Variants in KLHL12 observed in about 807,000 individuals in gnomAD.
The protein encoded by KLHL12 is kelch-like protein 12.
KLHL12 carries 17 observed loss-of-function variants against 60.8 expected under a neutral mutation model. The observed-to-expected ratio is 0.28, with a 90% confidence interval of 0.19 to 0.42. The LOEUF (loss-of-function observed/expected upper bound fraction) is 0.42, where lower values mean the gene tolerates loss of function less well. KLHL12 is among the 10% of genes least tolerant of loss of function. KLHL12 has a pLI of 1.00. For synonymous variants in KLHL12, 220 were observed against 250.9 expected (o/e 0.88, Z 1.16); for missense variants, 468 against 722.3 (o/e 0.65, Z 4.04).
intron 4 of KLHL12, chr1:202,912,446 T>C (rs1660392615): frequency 1.2e-6 from 1 of 847,808 alleles, no homozygotes. Context: ...TGGTTTCGGT[T>C]GGCATGACAG....
chr1:202,920,378 T>A lies in KLHL12; in HGVS notation c.196-470A>T, dbSNP rs1301172977. Among the ~76,000 whole-genome samples the A allele has an allele frequency of 2.3e-4, 30 of 130,404 alleles. No individual in the cohort carries two copies. The South Asian group carries it at 7.2e-3, about 31-fold the overall frequency. 85.6% of individuals were successfully genotyped at this position (130,404 alleles called of 152,430 possible). The stretch of plus-strand genomic sequence containing the variant: ...TGCTCTATTTTGTTGGATTTTTTTT[T>A]TTTTTTTTTTTTTTTTGAGACGGAA... On this transcript the variant is annotated intron_variant, in intron 2 of 11. Coordinates refer to ENST00000367261, the MANE Select transcript of KLHL12 (RefSeq NM_021633.4).
At position 202,925,206 on chromosome 1, in the gene KLHL12, A is replaced by G. The variant is rs112019147; in HGVS notation, c.-44T>C. ...AACAAAATGGGTCCTTGGATTCTGCAACTACAAGAGGGAAAAAAAAACAAT... is the reference window on the plus strand; with the variant it reads ...AACAAAATGGGTCCTTGGATTCTGCGACTACAAGAGGGAAAAAAAAACAAT... On this transcript the variant is annotated splice_region_variant and 5_prime_UTR_variant, in exon 2 of 12. Transcript: ENST00000367261. 3.1e-5 allele frequency: 50 copies of G among 1,611,102 alleles called. No individual in the cohort carries two copies. The African/African-American group carries it at 4.3e-4, about 14-fold the overall frequency.
At position 202,919,880 on chromosome 1, in the gene KLHL12, T is replaced by G; in HGVS notation, c.224A>C (p.Asp75Ala). 6.2e-7 allele frequency: 1 copy of G among 1,613,800 alleles called. No homozygotes were observed. ...GGTAGAGGCAGTCAAACCTTGGATG[T>G]CAACATAAGGTTTCCCCTTCTCTGA... ...ELSEKGKPYV[D>A]IQGLTASTME... Residue 75 changes from aspartate to alanine, a missense_variant, in exon 3 of 12, where the codon GAC (aspartate) becomes GCC (alanine). Coordinates refer to ENST00000367261, the MANE Select transcript of KLHL12 (RefSeq NM_021633.4).
intron 4 of KLHL12, chr1:202,912,426 G>A: frequency 1.2e-6 from 1 of 824,744 alleles, no homozygotes; most frequent in Non-Finnish European, 2.1e-6. Flanking sequence ...CTTTGGTTTG[G>A]TCGTGGAGGT....
intron 5 of KLHL12, among the ~76,000 whole-genome samples, chr1:202,910,715 G>C (rs940652408): frequency 2.0e-5 from 3 of 152,188 alleles, no homozygotes; most frequent in Admixed American, 6.5e-5. Flanking sequence ...GGCTTGCTAA[G>C]TGTGGCATAA....
chr1:202,925,100 A>T lies in KLHL12; in HGVS notation c.63T>A (p.Asn21Lys), dbSNP rs1474140267. The part of the protein sequence containing the change: ...MTNTHAKSIL[N>K]SMNSLRKSNT... ...TGCTCTTCCTGAGGGAGTTCATTGA[A>T]TTGAGGATGGATTTAGCATGAGTAT... Residue 21 changes from asparagine (N) to lysine (K), a missense_variant, in exon 2 of 12, where the codon AAT becomes AAA. By Grantham distance (94) the Asn-to-Lys change is moderately conservative. This residue lies in a region of KLHL12 where 61 missense variants were observed against 59.9 expected (regional missense o/e 1.02). Transcript: ENST00000367261. 6.2e-7 allele frequency: 1 copy of T among 1,614,136 alleles called. No homozygotes were observed. The highest frequency in any genetic ancestry group is 1.1e-5 in the South Asian group (1 of 91,084).
intron 6 of KLHL12, among the ~76,000 whole-genome samples, chr1:202,907,870 T>C (rs1293460578): frequency 6.6e-6 from 1 of 151,962 alleles, no homozygotes; most frequent in African/African-American, 2.4e-5. Flanking sequence ...ATCACGCCAC[T>C]GCACTCCACC....
intron 3 of KLHL12, among the ~76,000 whole-genome samples, chr1:202,918,677 T>G (rs1660596153): frequency 6.6e-6 from 1 of 152,224 alleles, no homozygotes; most frequent in Non-Finnish European, 1.5e-5. Context: ...AAAATGCCTA[T>G]AAAACTCTTG....
chr1:202,912,070 C>T, intron 4 of KLHL12: 2 of 792,252 alleles, frequency 2.5e-6, no homozygotes, highest in Non-Finnish European at 4.5e-6. Flanking sequence ...AGTTGGAGAA[C>T]CAAAGAGAGC....
In KLHL12 at chr1:202,900,601, C is replaced by T. The variant is rs149144776; in HGVS notation, c.833-3641G>A. On this transcript the variant is annotated intron_variant, in intron 6 of 11. Transcript: ENST00000367261. The stretch of plus-strand genomic sequence containing the variant: ...AAAGAAGGCTGGGCGTGGTGGCTCA[C>T]GCCTGTAATCACAGCACTTTGGGAG... 4.2e-3 allele frequency among the ~76,000 whole-genome samples: 636 copies of T among 151,808 alleles called. 5 individuals are homozygous for T. The highest frequency in any genetic ancestry group is 7.7e-3 in the Non-Finnish European group (521 of 67,902).
intron 2 of KLHL12, among the ~76,000 whole-genome samples, chr1:202,920,256 G>A (rs1660645635): frequency 6.6e-6 from 1 of 151,304 alleles, no homozygotes. Context: ...GAAGGTTGCA[G>A]AGAGCCAAGA....
rs780385504 is a variant in KLHL12 at position 202,908,994 on chromosome 1, C to T, written c.832+16G>A. The T allele has an allele frequency of 1.1e-5, 17 of 1,526,786 alleles. No individual in the cohort carries two copies. Among genetic ancestry groups the T allele is most frequent in the South Asian group, 2.2e-5 (2 of 89,264 alleles). 94.6% of individuals were successfully genotyped at this position (1,526,786 alleles called of 1,614,324 possible). ...GTTGAAAAGCATCCCCTCATTCTGCCGAGATACCAGCTTACCTAGGCGAGC... is the reference window on the plus strand; with the variant it reads ...GTTGAAAAGCATCCCCTCATTCTGCTGAGATACCAGCTTACCTAGGCGAGC... On this transcript the variant is annotated intron_variant, in intron 6 of 11. Transcript: ENST00000367261.
At chr1:202,916,500 C>T (rs12070941) in intron 4 of KLHL12, among the ~76,000 whole-genome samples, 35,293 of 152,064 alleles carry the variant, frequency 0.23, 4,694 homozygotes, top group East Asian at 0.57. Flanking sequence ...CAAAAATTAG[C>T]TGGTGTAGTG....
At chr1:202,928,057 A>T (rs965266822), upstream of KLHL12, among the ~76,000 whole-genome samples, 15 of 150,884 alleles carry the variant, frequency 9.9e-5, no homozygotes, top group Non-Finnish European at 1.5e-4. Flanking sequence ...AGACGGGTGG[A>T]TCACGAGGTC....
chr1:202,919,612 C>T (rs971026586), intron 3 of KLHL12, 143 bp downstream of exon 3: 8 of 683,818 alleles, frequency 1.2e-5, no homozygotes, highest in South Asian at 2.3e-5. Context: ...TCTCTTATTG[C>T]TCAATGAGAC....
chr1:202,894,269 G>T lies in KLHL12; in HGVS notation c.1308C>A (p.Gly436=). The change falls in exon 10 of 12, where the codon GGC becomes GGA. Residue 436 remains glycine, a synonymous_variant. Coordinates refer to ENST00000367261, the MANE Select transcript of KLHL12 (RefSeq NM_021633.4). ...TCTCAACTGAATTTAAGATATTCAA[G>T]CCGTCATATCCTCCTGGAAGACAGA... ...GVIYCLGGYD[G]LNILNSVEKY... 1.3e-6 allele frequency: 2 copies of T among 1,553,064 alleles called. No homozygotes were observed. Among genetic ancestry groups the T allele is most frequent in the Non-Finnish European group, 1.7e-6 (2 of 1,145,996 alleles).
intron 1 of KLHL12, among the ~76,000 whole-genome samples, chr1:202,925,873 A>T (rs995551577): frequency 9.2e-5 from 14 of 152,120 alleles, no homozygotes; most frequent in Admixed American, 3.3e-4. Flanking sequence ...TAGGAGGCTG[A>T]GGTGGGTGAT....
intron 4 of KLHL12, among the ~76,000 whole-genome samples, chr1:202,917,252 TTGC>T (rs1660550424): frequency 6.6e-6 from 1 of 152,174 alleles, no homozygotes; most frequent in Non-Finnish European, 1.5e-5. Context: ...TCTCCCTCTG[TTGC>T]CTAGGCTAGA....
chr1:202,925,227 AC>A lies in KLHL12; in HGVS notation c.-45-21del, dbSNP rs778204864. On this transcript the variant is annotated intron_variant, in intron 1 of 11. Coordinates refer to ENST00000367261, the MANE Select transcript of KLHL12 (RefSeq NM_021633.4). ...CTGCAACTACAAGAGGGAAAAAAAA[AC>A]AATGAGCATATTCAAAGAACTAGGG... is the stretch of plus-strand genomic sequence containing the variant. 3 of 1,600,464 alleles carry A rather than the reference AC, an allele frequency of 1.9e-6. No individual in the cohort carries two copies. The African/African-American group carries it at 4.0e-5, about 22-fold the overall frequency.
Sources: gnomAD v4.1 joint callset for allele counts (sites outside exome capture counted in the v4.1 genomes callset) on GRCh38, gnomAD v4.1.1 for gene constraint, gnomAD v4.1.1 regional missense constraint, MANE v1.5 for transcripts, NCBI Gene and HGNC (gene_info 2026-07-23, HGNC 2026-07-21) for gene names.